The following TINAG variants were observed in gnomAD, a reference collection of about 807,000 sequenced individuals.
TINAG encodes the protein tubulointerstitial nephritis antigen.
TINAG carries 83 observed loss-of-function variants against 72.7 expected under a neutral mutation model. That is an observed-to-expected ratio of 1.14 (90% confidence interval 0.96 to 1.37). The LOEUF is 1.37. Among genes scored for constraint, TINAG ranks in the 40% most tolerant of loss-of-function variants. The pLI is 0.00. For missense variants in TINAG, 685 were observed against 576.6 expected, an observed-to-expected ratio of 1.19 and a Z score of -1.93; for synonymous variants, 234 against 189.9, an observed-to-expected ratio of 1.23 and a Z score of -1.91.
At chr6:54,365,818 T>C (rs1042906088) in intron 9 of TINAG, among the ~76,000 whole-genome samples, 5 of 151,604 alleles carry the variant, frequency 3.3e-5, no homozygotes, top group Admixed American at 6.6e-5. Context: ...TCTGAGATTG[T>C]ATGTTCTCTC....
chr6:54,327,456 G>T (rs774814727), intron 4 of TINAG, among the ~76,000 whole-genome samples: 1 of 152,112 alleles, frequency 6.6e-6, no homozygotes, highest in Non-Finnish European at 1.5e-5. Flanking sequence ...TTCGCAATCC[G>T]CAAACCAGGA....
intron 9 of TINAG, among the ~76,000 whole-genome samples, chr6:54,360,225 G>C (rs1355832025): frequency 2.7e-5 from 4 of 146,778 alleles, no homozygotes; most frequent in Non-Finnish European, 6.1e-5. Context: ...GCTCCTAGTA[G>C]CCTTATTTCC....
At chr6:54,380,997 A>T (rs1237855329) in intron 10 of TINAG, among the ~76,000 whole-genome samples, 1 of 147,112 alleles carries the variant, frequency 6.8e-6, no homozygotes, top group Non-Finnish European at 1.5e-5. Context: ...ATATATATTT[A>T]TATGGCATAT....
At position 54,362,593 on chromosome 6, in the gene TINAG, C is replaced by T. The variant is rs1763273540; in HGVS notation, c.1250+7957C>T. 2.0e-5 allele frequency among the ~76,000 whole-genome samples: 3 copies of T among 151,584 alleles called. 1 individual carries two copies. The South Asian group carries it at 6.2e-4, about 31-fold the overall frequency. ...TGTCTTCATGTGTGCTAACACAATA[C>T]CCATTCTGCAGCCCATGGAACAAGA... On this transcript the variant is annotated intron_variant, in intron 9 of 10. Transcript: ENST00000259782.
chr6:54,342,931 A>T (rs1785032853), intron 4 of TINAG, among the ~76,000 whole-genome samples: 1 of 152,072 alleles, frequency 6.6e-6, no homozygotes, highest in South Asian at 2.1e-4. Context: ...GATGAGCAAA[A>T]CTCTGATTCA....
intron 4 of TINAG, among the ~76,000 whole-genome samples, chr6:54,336,229 TTATAG>T (rs954073990): frequency 3.9e-5 from 6 of 152,130 alleles, no homozygotes; most frequent in African/African-American, 1.4e-4. Context: ...AGTACTTAGA[TTATAG>T]TAAAGTTTAA....
At chr6:54,376,465 C>G (rs1397256682) in intron 9 of TINAG, among the ~76,000 whole-genome samples, 2 of 152,082 alleles carry the variant, frequency 1.3e-5, no homozygotes, top group African/African-American at 4.8e-5. Context: ...TTTCAACCCT[C>G]TCTTATTTAT....
intron 8 of TINAG, 118 bp downstream of exon 8, chr6:54,351,515 A>G (rs1386022997): frequency 1.2e-6 from 1 of 843,914 alleles, no homozygotes; most frequent in East Asian, 2.8e-5. Flanking sequence ...AAGAGTATCC[A>G]AAAGGCTTCA....
At chr6:54,363,542 A>G (rs1763307730) in intron 9 of TINAG, among the ~76,000 whole-genome samples, 1 of 150,870 alleles carries the variant, frequency 6.6e-6, no homozygotes, top group African/African-American at 2.4e-5. Context: ...GTGTCATACA[A>G]TGAGATGGAG....
intron 4 of TINAG, chr6:54,327,307 A>T: frequency 1.1e-6 from 1 of 944,730 alleles, no homozygotes. Flanking sequence ...GAGGGTGAGC[A>T]GAAGCAGGGT....
In TINAG at chr6:54,389,950, C is replaced by G; in HGVS notation, c.*25C>G. 6.2e-7 allele frequency: 1 copy of G among 1,601,856 alleles called. No individual in the cohort carries two copies. ...ACATATCATTAAATTTCCATAAGGT[C>G]ATGCCTTTAAGTAACCCCCTAAATT... is the stretch of plus-strand genomic sequence containing the variant. On this transcript the variant is annotated 3_prime_UTR_variant, in exon 11 of 11. Transcript: ENST00000259782.
chr6:54,372,727 CATATATATATATATATATATATATAT>C lies in TINAG; in HGVS notation c.1251-7779_1251-7754del, dbSNP rs67301819. On this transcript the variant is annotated intron_variant, in intron 9 of 10. Coordinates refer to ENST00000259782, the MANE Select transcript of TINAG (RefSeq NM_014464.4). ...TCCAAGAATATTATATAAATACATA[CATATATATATATATATATATATATAT>C]ATATATATATATATATATACACACA... is the stretch of plus-strand genomic sequence containing the variant. 9.4e-3 allele frequency among the ~76,000 whole-genome samples: 1,255 copies of C among 133,948 alleles called. 48 individuals carry two copies. The highest frequency in any genetic ancestry group is 0.058 in the East Asian group (255 of 4,360). 87.9% of individuals were successfully genotyped at this position (133,948 alleles called of 152,430 possible). A position where few individuals can be genotyped will look rare whatever the true frequency, so the allele number is the denominator to read the frequency against.
intron 9 of TINAG, among the ~76,000 whole-genome samples, chr6:54,372,814 A>G: frequency 6.7e-6 from 1 of 150,362 alleles, no homozygotes; most frequent in East Asian, 2.0e-4. Context: ...ATAATGAATG[A>G]ACCAAGAGTT....
chr6:54,362,473 CA>C (rs200594694), intron 9 of TINAG, among the ~76,000 whole-genome samples: 1 of 151,036 alleles, frequency 6.6e-6, no homozygotes. Context: ...ATCTGCTACT[CA>C]AAAAAAACAC....
Position 54,354,632 on chromosome 6 carries a change from A to T in TINAG, c.1246A>T (p.Thr416Ser), listed in dbSNP as rs778468976. ...RKLQTHAVKL[T>S]GWGTLRGAQG... ...GCTTCAGACACATGCAGTCAAACTC[A>T]CTGGGTAAGGCAATTAAACAAAATT... The change falls in exon 9 of 11, where the codon ACT (threonine) becomes TCT (serine). Residue 416 changes from threonine (T) to serine (S), a missense_variant. Coordinates refer to ENST00000259782, the MANE Select transcript of TINAG (RefSeq NM_014464.4). 12 of 1,606,526 alleles carry T rather than the reference A, an allele frequency of 7.5e-6. No individual in the cohort carries two copies. The highest frequency in any genetic ancestry group is 1.0e-5 in the Non-Finnish European group (12 of 1,176,746).
intron 10 of TINAG, among the ~76,000 whole-genome samples, chr6:54,388,600 G>C (rs1056351674): frequency 6.6e-6 from 1 of 152,068 alleles, no homozygotes; most frequent in African/African-American, 2.4e-5. Context: ...AGCTGTTGAG[G>C]TGAAGCTGCT....
intron 8 of TINAG, 84 bp from the exon 9 acceptor site, chr6:54,354,429 T>C (rs1311100682): frequency 7.7e-7 from 1 of 1,297,762 alleles, no homozygotes; most frequent in Non-Finnish European, 1.1e-6. Flanking sequence ...AATTTACCCA[T>C]TGGTTGTTCC....
At position 54,308,777 on chromosome 6, in the gene TINAG, C is replaced by T. The variant is rs757092324; in HGVS notation, c.227C>T (p.Ala76Val). 3.2e-5 allele frequency: 52 copies of T among 1,613,650 alleles called. No individual in the cohort carries two copies. The highest frequency in any genetic ancestry group is 4.2e-5 in the Non-Finnish European group (50 of 1,179,866). ...RDDGCVTEFY[A>V]ANALCYCDKF... Reference sequence around the variant, plus strand: ...GATGGCTGTGTCACTGAGTTCTATGCGGCGAATGCGTTGTGCTACTGTGAT... The same window carrying T: ...GATGGCTGTGTCACTGAGTTCTATGTGGCGAATGCGTTGTGCTACTGTGAT... The change falls in exon 1 of 11, where the codon GCG (alanine) becomes GTG (valine). Residue 76 changes from alanine (A) to valine (V), a missense_variant. Ala to Val is a moderately conservative substitution (Grantham distance 64, BLOSUM62 0). Coordinates refer to ENST00000259782, the MANE Select transcript of TINAG (RefSeq NM_014464.4).
At chr6:54,383,997 T>C (rs1764024115) in intron 10 of TINAG, among the ~76,000 whole-genome samples, 1 of 152,126 alleles carries the variant, frequency 6.6e-6, no homozygotes, top group Admixed American at 6.6e-5. Context: ...ATGTGGCACA[T>C]ATACACCATA....
Sources: gnomAD v4.1 joint callset for allele counts (sites outside exome capture counted in the v4.1 genomes callset) on GRCh38, gnomAD v4.1.1 for gene constraint, MANE v1.5 for transcripts, NCBI Gene and HGNC (gene_info 2026-07-23, HGNC 2026-07-21) for gene names.